IGFL2: variants seen among roughly 807,000 people sequenced by gnomAD.
IGFL2 encodes the protein insulin growth factor-like family member 2.
Under a neutral mutation model 13.9 loss-of-function variants are expected in IGFL2, and 7 were observed. That is an observed-to-expected ratio of 0.51 (90% CI 0.29 to 0.95). The LOEUF (loss-of-function observed/expected upper bound fraction) is 0.95. Among genes scored for constraint, IGFL2 ranks in the 40% least tolerant of loss-of-function variants. The pLI, the probability that IGFL2 is intolerant of heterozygous loss-of-function variation, is 0.08. For missense variants in IGFL2, 138 were observed against 147.8 expected (o/e 0.93, Z 0.34); for synonymous variants, 55 against 55.8 (o/e 0.99, Z 0.07).
intron 1 of IGFL2, 56 bp from the exon 2 acceptor site, chr19:46,160,359 C>A: frequency 2.0e-6 from 3 of 1,529,314 alleles, no homozygotes; most frequent in South Asian, 2.3e-5. Context: ...TCCCTGAGAT[C>A]AACCTAGTGG....
downstream of IGFL2, among the ~76,000 whole-genome samples, chr19:46,163,629 T>C (rs1272787601): frequency 1.3e-5 from 2 of 152,152 alleles, no homozygotes; most frequent in Non-Finnish European, 2.9e-5. Context: ...GCAGAGGCAG[T>C]GGCAGAGGGG....
At chr19:46,147,799 G>A (rs1388270560), upstream of IGFL2, 1 of 154,486 alleles carries the variant, frequency 6.5e-6, no homozygotes, top group Non-Finnish European at 1.4e-5. Flanking sequence ...TTGGACGGGT[G>A]CGTTTGTTTC....
the IGFL2 span, among the ~76,000 whole-genome samples, chr19:46,122,008 A>G: frequency 1.8e-3 from 270 of 151,362 alleles, 4 homozygotes; most frequent in South Asian, 4.2e-3. Context: ...CTTTATGCAA[A>G]TGACTTCATC....
the IGFL2 span, among the ~76,000 whole-genome samples, chr19:46,169,785 T>C: frequency 6.8e-6 from 1 of 146,490 alleles, no homozygotes; most frequent in Non-Finnish European, 1.5e-5. Context: ...GAGTCAGAGG[T>C]TACAGTGAGC....
chr19:46,098,959 G>C, the IGFL2 span, among the ~76,000 whole-genome samples: 2,019 of 152,314 alleles, frequency 0.013, 31 homozygotes, highest in Middle Eastern at 0.027. Flanking sequence ...GTGGCTGATA[G>C]TGGTTTTTCC....
chr19:46,172,208 T>G, the IGFL2 span, among the ~76,000 whole-genome samples: 1 of 152,128 alleles, frequency 6.6e-6, no homozygotes, highest in Non-Finnish European at 1.5e-5. Flanking sequence ...TAGTAAAAAG[T>G]GGCAAATTGT....
chr19:46,116,146 A>G, the IGFL2 span, among the ~76,000 whole-genome samples: 622 of 152,238 alleles, frequency 4.1e-3, 5 homozygotes, highest in African/African-American at 0.014. Context: ...TTTGTTACAT[A>G]TGTATACATG....
chr19:46,168,068 C>T, the IGFL2 span, among the ~76,000 whole-genome samples: 13 of 152,196 alleles, frequency 8.5e-5, no homozygotes, highest in South Asian at 1.7e-3. Flanking sequence ...CCGTGAATAC[C>T]GAGGACTACG....
the IGFL2 span, among the ~76,000 whole-genome samples, chr19:46,199,591 G>C: frequency 6.6e-6 from 1 of 152,254 alleles, no homozygotes; most frequent in African/African-American, 2.4e-5. Context: ...TCCCTCCACT[G>C]TCTCACCCCA....
At chr19:46,131,981 T>G in the IGFL2 span, among the ~76,000 whole-genome samples, 1 of 152,204 alleles carries the variant, frequency 6.6e-6, no homozygotes, top group East Asian at 1.9e-4. Context: ...GAGTTGTTTC[T>G]AAACAGAACT....
the IGFL2 span, chr19:46,173,701 C>T: frequency 1.3e-5 from 2 of 152,172 alleles, no homozygotes; most frequent in African/African-American, 4.8e-5. Flanking sequence ...ACCAAAACAC[C>T]TCCCCAGGCC....
At chr19:46,166,951 A>G in the IGFL2 span, among the ~76,000 whole-genome samples, 3 of 152,182 alleles carry the variant, frequency 2.0e-5, no homozygotes, top group East Asian at 1.9e-4. Flanking sequence ...AGTTAACACA[A>G]TTATTACAGG....
the IGFL2 span, among the ~76,000 whole-genome samples, chr19:46,117,627 T>C: frequency 6.6e-6 from 1 of 152,122 alleles, no homozygotes; most frequent in Non-Finnish European, 1.5e-5. Flanking sequence ...TACATGCATG[T>C]GCCATCAAGC....
chr19:46,104,349 A>G, the IGFL2 span, among the ~76,000 whole-genome samples: 2,034 of 152,298 alleles, frequency 0.013, 53 homozygotes, highest in African/African-American at 0.046. Context: ...TTAAAAGACC[A>G]TTAGTCCGTT....
chr19:46,145,596 A>ATGTGTGTGTGTG (rs1287833769), upstream of IGFL2, among the ~76,000 whole-genome samples: 6 of 58,610 alleles, frequency 1.0e-4, no homozygotes, highest in Admixed American at 3.7e-4. Context: ...ACACACTCAT[A>ATGTGTGTGTGTG]TATATGTGTG....
At chr19:46,187,361 C>G in the IGFL2 span, among the ~76,000 whole-genome samples, 1 of 147,246 alleles carries the variant, frequency 6.8e-6, no homozygotes, top group Non-Finnish European at 1.5e-5. Context: ...CCCGTTTAAA[C>G]CTGAGGTTGT....
the IGFL2 span, chr19:46,120,032 T>C: frequency 2.3e-6 from 1 of 431,336 alleles, no homozygotes; most frequent in Non-Finnish European, 4.2e-6. Flanking sequence ...GAGCTCCTGC[T>C]CAGTGTCCAG....
chr19:46,145,289 T>G (rs1973061953), upstream of IGFL2, among the ~76,000 whole-genome samples: 1 of 152,180 alleles, frequency 6.6e-6, no homozygotes, highest in African/African-American at 2.4e-5. Flanking sequence ...GCACTTGGTA[T>G]TGTCGATATT....
chr19:46,124,518 A>T, the IGFL2 span: 2 of 1,242,634 alleles, frequency 1.6e-6, no homozygotes, highest in Non-Finnish European at 2.4e-6. Flanking sequence ...AGTAGGGCAC[A>T]GGAGGCTGGA....
Sources: allele counts gnomAD v4.1 joint callset (sites outside exome capture counted in the v4.1 genomes callset), GRCh38; gene constraint gnomAD v4.1.1; transcripts MANE v1.5; gene names NCBI Gene and HGNC (gene_info 2026-07-23, HGNC 2026-07-21).